Variants in EBF2 observed in about 807,000 individuals in gnomAD.
EBF2 encodes the protein EBF transcription factor 2.
EBF2 carries 21 observed loss-of-function variants against 72.8 expected under a neutral mutation model. That is an observed-to-expected ratio of 0.29 (90% CI 0.20 to 0.42). The LOEUF (loss-of-function observed/expected upper bound fraction) is 0.42. EBF2 is among the 10% of genes least tolerant of loss of function. EBF2 has a pLI of 1.00. For missense variants in EBF2, 637 were observed against 731.2 expected (o/e 0.87, Z 1.49); for synonymous variants, 299 against 274.2 (o/e 1.09, Z -0.89).
chr8:25,892,706 A>G (rs1038053639), intron 7 of EBF2, among the ~76,000 whole-genome samples: 17 of 152,234 alleles, frequency 1.1e-4, no homozygotes, highest in East Asian at 9.6e-4. Context: ...CATGGTGGTA[A>G]CATATGCAAA....
intron 6 of EBF2, among the ~76,000 whole-genome samples, chr8:25,983,216 A>G (rs889872964): frequency 6.6e-5 from 10 of 152,210 alleles, no homozygotes; most frequent in Non-Finnish European, 1.5e-4. Flanking sequence ...AGTATTTCCC[A>G]TTTAAGAAAG....
Position 26,044,530 on chromosome 8 carries a change from C to G in EBF2, c.131+199G>C, listed in dbSNP as rs563492393. On this transcript the variant is annotated intron_variant, in intron 1 of 15. Coordinates refer to ENST00000520164, the MANE Select transcript of EBF2 (RefSeq NM_022659.4). This position sits in a 1 kb window ranked among gnomAD's most constrained non-coding sequence, Gnocchi z 4.1. ...CTACGACCCAGGCAGTTCAGGAACT[C>G]GAGTGCCGGCTGCCGGGTGAGCGTT... Among the ~76,000 whole-genome samples the G allele has an allele frequency of 2.2e-4, 33 of 152,336 alleles. 1 individual carries two copies. The South Asian group carries it at 6.8e-3, about 32-fold the overall frequency.
chr8:25,949,359 G>T (rs752364916), intron 6 of EBF2, among the ~76,000 whole-genome samples: 7 of 152,050 alleles, frequency 4.6e-5, no homozygotes, highest in Admixed American at 1.3e-4. Context: ...CACATTGGAA[G>T]TTTGATCATT....
At chr8:25,961,949 G>A (rs551713189) in intron 6 of EBF2, among the ~76,000 whole-genome samples, 1 of 152,230 alleles carries the variant, frequency 6.6e-6, no homozygotes, top group East Asian at 1.9e-4. Flanking sequence ...CTTAAAAAAT[G>A]TGTAAGCCAA....
intron 6 of EBF2, among the ~76,000 whole-genome samples, chr8:25,931,793 C>T (rs879561281): frequency 9.9e-5 from 15 of 152,178 alleles, no homozygotes; most frequent in African/African-American, 2.2e-4. Context: ...CAAGGAAAGA[C>T]GGCCATATTT....
At chr8:25,959,894 T>C (rs1290396928) in intron 6 of EBF2, among the ~76,000 whole-genome samples, 2 of 152,142 alleles carry the variant, frequency 1.3e-5, no homozygotes, top group African/African-American at 2.4e-5. Context: ...CTTAAAGGAC[T>C]AGGTAGTATG....
At chr8:25,994,400 A>G (rs1033597127) in intron 6 of EBF2, among the ~76,000 whole-genome samples, 1 of 152,218 alleles carries the variant, frequency 6.6e-6, no homozygotes, top group Non-Finnish European at 1.5e-5. Flanking sequence ...TAATAGAAAT[A>G]TAGGCTAAAA....
intron 9 of EBF2, 45 bp from the exon 10 acceptor site, chr8:25,886,926 C>G (rs1802699387): frequency 1.4e-5 from 22 of 1,600,584 alleles, no homozygotes; most frequent in Non-Finnish European, 1.9e-5. Flanking sequence ...ATTAGACAAG[C>G]CATCACCAAG....
chr8:25,951,237 T>C (rs1803856056), intron 6 of EBF2, among the ~76,000 whole-genome samples: 1 of 152,134 alleles, frequency 6.6e-6, no homozygotes, highest in Non-Finnish European at 1.5e-5. Flanking sequence ...TTAGTACTCA[T>C]AAATAGGTGT....
rs1054450110 is a variant in EBF2, at chr8:25,971,733, GT to G, written c.551+61351del. Among the ~76,000 whole-genome samples the G allele has an allele frequency of 5.3e-5, 8 of 151,434 alleles. No homozygotes were observed. In the East Asian group the frequency reaches 5.8e-4, roughly 11 times the overall value. On this transcript the variant is annotated intron_variant, in intron 6 of 15. Coordinates refer to ENST00000520164, the MANE Select transcript of EBF2 (RefSeq NM_022659.4). The stretch of plus-strand genomic sequence containing the variant: ...TATAATGATAGATACACCTTTTTGT[GT>G]TTTTTTTTCCTCGAGCTAAGCCTGC...
intron 8 of EBF2, 132 bp downstream of exon 8, chr8:25,889,620 T>TA (rs1802745019): frequency 4.3e-6 from 3 of 699,712 alleles, no homozygotes; most frequent in Non-Finnish European, 7.1e-6. Context: ...ACAACTTCGT[T>TA]TAAAAAAAAA....
rs376395435 is a variant in EBF2 at position 26,040,682 on chromosome 8, C to G, written c.353-11G>C. The G allele has an allele frequency of 1.4e-5, 22 of 1,553,900 alleles. No individual in the cohort carries two copies. Among genetic ancestry groups the G allele is most frequent in the Admixed American group, 3.9e-5 (2 of 51,368 alleles). ...GTTCCGTGCGGACACCTGCGGGGAC[C>G]GGAGGGGCACGAGTCAAGGGCCGTA... On this transcript the variant is annotated splice_polypyrimidine_tract_variant and intron_variant, in intron 3 of 15. Transcript: ENST00000520164.
chr8:26,010,640 C>G (rs368868199), intron 6 of EBF2, among the ~76,000 whole-genome samples: 4 of 152,108 alleles, frequency 2.6e-5, no homozygotes, highest in African/African-American at 9.7e-5. Context: ...AGAGCTGCCT[C>G]GGAAAGCTCT....
chr8:25,987,534 A>G (rs1168917249), intron 6 of EBF2, among the ~76,000 whole-genome samples: 1 of 152,210 alleles, frequency 6.6e-6, no homozygotes, highest in Non-Finnish European at 1.5e-5. Flanking sequence ...ACAGATTTCT[A>G]AGAACTTCTA....
In EBF2 at chr8:25,953,289, G is replaced by T. The variant is rs140431813; in HGVS notation, c.552-44734C>A. On this transcript the variant is annotated intron_variant, in intron 6 of 15. Coordinates refer to ENST00000520164, the MANE Select transcript of EBF2 (RefSeq NM_022659.4). ...CTGGATTGATCACCATGTCTTCAAT[G>T]GCTGGCACACAACAGACACTCAGTA... Among the ~76,000 whole-genome samples the T allele has an allele frequency of 3.3e-5, 5 of 152,302 alleles. No individual in the cohort carries two copies. In the East Asian group the frequency reaches 9.6e-4, roughly 29 times the overall value.
chr8:25,962,437 C>T (rs891305721), intron 6 of EBF2, among the ~76,000 whole-genome samples: 3 of 152,102 alleles, frequency 2.0e-5, no homozygotes, highest in Non-Finnish European at 4.4e-5. Context: ...CTTCCAACTT[C>T]CAACTATTAT....
At chr8:25,941,130 T>C (rs1229143328) in intron 6 of EBF2, among the ~76,000 whole-genome samples, 2 of 152,056 alleles carry the variant, frequency 1.3e-5, no homozygotes, top group South Asian at 2.1e-4. Context: ...AGGCAACTAA[T>C]GGCAGCAGTA....
chr8:26,042,708 G>A (rs1178108908), intron 1 of EBF2, among the ~76,000 whole-genome samples: 1 of 152,208 alleles, frequency 6.6e-6, no homozygotes, highest in East Asian at 1.9e-4. Flanking sequence ...CTTTGCTTTG[G>A]AAGAAGCGAC....
chr8:25,931,128 T>C (rs890821060), intron 6 of EBF2, among the ~76,000 whole-genome samples: 2 of 152,292 alleles, frequency 1.3e-5, no homozygotes, highest in Admixed American at 1.3e-4. Flanking sequence ...ATGTTTTCAT[T>C]GAACAGCAGC....
Sources: allele counts gnomAD v4.1 joint callset (sites outside exome capture counted in the v4.1 genomes callset), GRCh38; gene constraint gnomAD v4.1.1; non-coding constraint Gnocchi (gnomAD v3.1); transcripts MANE v1.5; gene names NCBI Gene and HGNC (gene_info 2026-07-23, HGNC 2026-07-21).